The following KDM5B variants were observed in gnomAD, a reference collection of about 807,000 sequenced individuals.
KDM5B encodes the protein lysine-specific demethylase 5B.
A neutral mutation model predicts 193.4 loss-of-function variants in KDM5B; 144 were observed. The observed-to-expected ratio is 0.74, with a 90% CI of 0.65 to 0.86. KDM5B has a LOEUF of 0.86. KDM5B is among the 40% of genes least tolerant of loss of function. KDM5B has a pLI of 0.00. For missense variants in KDM5B, 1,833 were observed against 1,886.9 expected, an observed-to-expected ratio of 0.97 and a Z score of 0.53; for synonymous variants, 668 against 682.6, an observed-to-expected ratio of 0.98 and a Z score of 0.33.
chr1:202,784,767 C>T (rs967027319), intron 1 of KDM5B, among the ~76,000 whole-genome samples: 3 of 152,166 alleles, frequency 2.0e-5, no homozygotes, highest in Non-Finnish European at 2.9e-5. Context: ...GGGCCAGGAA[C>T]GGTGGCTCAT....
chr1:202,725,136 T>A lies in KDM5B; in HGVS notation c.*3900A>T, dbSNP rs1205032773. The A allele has an allele frequency of 6.6e-6, 1 of 152,220 alleles. No individual in the cohort carries two copies. Among genetic ancestry groups the A allele is most frequent in the Non-Finnish European group, 1.5e-5 (1 of 68,042 alleles). The allele number at this position is 152,220 out of a possible 1,614,324, so 9.4% of individuals were successfully genotyped here. A position where few individuals can be genotyped will look rare whatever the true frequency, so the allele number is the denominator to read the frequency against. ...TTTCTAGCCCTTCATCCTTGCAAAATTAACCCAGAACACAAACAGGGAGCT... is the reference window on the plus strand; with the variant it reads ...TTTCTAGCCCTTCATCCTTGCAAAAATAACCCAGAACACAAACAGGGAGCT... On this transcript the variant is annotated 3_prime_UTR_variant, in exon 27 of 27. Transcript: ENST00000367265.
chr1:202,735,848 G>C lies in KDM5B; in HGVS notation c.3265-261C>G, dbSNP rs373188640. ...GGTTGATCCCAGTCATGATGCACAA[G>C]CAAGTTTACAGAAAATACAAAAAGT... On this transcript the variant is annotated intron_variant, in intron 21 of 26. Transcript: ENST00000367265. 2.0e-5 allele frequency among the ~76,000 whole-genome samples: 3 copies of C among 152,196 alleles called. No homozygotes were observed. The East Asian group carries it at 5.8e-4, about 29-fold the overall frequency.
intron 12 of KDM5B, among the ~76,000 whole-genome samples, chr1:202,752,509 C>G (rs1655831698): frequency 6.6e-6 from 1 of 152,202 alleles, no homozygotes; most frequent in South Asian, 2.1e-4. Context: ...CAGAACATAT[C>G]CCTGTTGTTA....
chr1:202,748,338 T>C (rs1476263245), intron 14 of KDM5B, among the ~76,000 whole-genome samples: 1 of 152,116 alleles, frequency 6.6e-6, no homozygotes, highest in Non-Finnish European at 1.5e-5. Context: ...AACTTTGGAT[T>C]AGGCAAGATT....
rs1313562732 is a variant in KDM5B, at chr1:202,726,237, G to A, written c.*2799C>T. ...CTGGAGAATGAAGCAGGGAAATTCA[G>A]GTTTTTAACAACCTCCATCACCACA... On this transcript the variant is annotated 3_prime_UTR_variant, in exon 27 of 27. Transcript: ENST00000367265. 1.3e-5 allele frequency: 2 copies of A among 152,232 alleles called. No homozygotes were observed. The highest frequency in any genetic ancestry group is 3.9e-4 in the East Asian group (2 of 5,176). 9.4% of individuals were successfully genotyped at this position (152,232 alleles called of 1,614,324 possible).
intron 4 of KDM5B, among the ~76,000 whole-genome samples, chr1:202,768,319 C>T (rs916476282): frequency 2.0e-5 from 3 of 152,120 alleles, no homozygotes; most frequent in Admixed American, 6.5e-5. Flanking sequence ...AGGAACATCA[C>T]GAAAAACCTT....
In KDM5B at chr1:202,792,399, G is replaced by A. The variant is rs139407459; in HGVS notation, c.205-15305C>T. Among the ~76,000 whole-genome samples, 29 of 152,102 alleles carry A rather than the reference G, an allele frequency of 1.9e-4. No homozygotes were observed. In the East Asian group the frequency reaches 5.2e-3, roughly 27 times the overall value. On this transcript the variant is annotated intron_variant, in intron 1 of 26. Coordinates refer to ENST00000367265, the MANE Select transcript of KDM5B (RefSeq NM_006618.5). ...CATGAGATTCTAATTCAGTTATTCTGGGATGAACCCCAGAATGACTTTAAT... is the reference window on the plus strand; with the variant it reads ...CATGAGATTCTAATTCAGTTATTCTAGGATGAACCCCAGAATGACTTTAAT...
intron 1 of KDM5B, among the ~76,000 whole-genome samples, chr1:202,794,583 C>T (rs938919338): frequency 2.1e-4 from 32 of 152,300 alleles, no homozygotes; most frequent in African/African-American, 7.2e-4. Flanking sequence ...CTATCTACTC[C>T]TAACAAAAAT....
chr1:202,733,990 C>T (rs1159079359), intron 22 of KDM5B, 104 bp from the exon 23 acceptor site: 6 of 1,373,874 alleles, frequency 4.4e-6, no homozygotes, highest in Non-Finnish European at 6.0e-6. Context: ...AGTAGATCAT[C>T]TGTATTCAAA....
At chr1:202,805,884 TAAAC>T (rs763637062) in intron 1 of KDM5B, among the ~76,000 whole-genome samples, 4 of 152,194 alleles carry the variant, frequency 2.6e-5, no homozygotes, top group Non-Finnish European at 5.9e-5. Flanking sequence ...AGGAGTTTGT[TAAAC>T]AAAGGAGGAA....
At chr1:202,730,571 C>A (rs969370186) in intron 25 of KDM5B, among the ~76,000 whole-genome samples, 2 of 152,110 alleles carry the variant, frequency 1.3e-5, no homozygotes, top group African/African-American at 4.8e-5. Context: ...ATTCTAAATG[C>A]CAACATCAGC....
chr1:202,783,713 TA>T (rs1024400502), intron 1 of KDM5B, among the ~76,000 whole-genome samples: 4 of 148,774 alleles, frequency 2.7e-5, no homozygotes, highest in Non-Finnish European at 3.0e-5. Context: ...CCATCTCTAC[TA>T]AAAAAAAATA....
At chr1:202,794,290 T>C (rs1657751285) in intron 1 of KDM5B, among the ~76,000 whole-genome samples, 1 of 152,218 alleles carries the variant, frequency 6.6e-6, no homozygotes, top group South Asian at 2.1e-4. Context: ...CTTGTAATTA[T>C]GTGGGCTTGA....
chr1:202,740,468 ACCTC>A (rs1655284913), intron 20 of KDM5B, among the ~76,000 whole-genome samples: 1 of 67,450 alleles, frequency 1.5e-5, no homozygotes, highest in African/African-American at 4.8e-5. Context: ...TGACCCCCTC[ACCTC>A]CCTCCCGGAC....
rs1269188663 is a variant in KDM5B, at chr1:202,742,882, G to A, written c.2324-77C>T. On this transcript the variant is annotated intron_variant, in intron 16 of 26. Transcript: ENST00000367265. ...ACTGGTATGAAATTCAGAGGAGACT[G>A]GTTTTGTCAGTTCTTGTCTAGAAAT... 7.4e-6 allele frequency: 9 copies of A among 1,208,770 alleles called. No homozygotes were observed. In the South Asian group the frequency reaches 1.1e-4, roughly 15 times the overall value. The allele number at this position is 1,208,770 out of a possible 1,614,324, so 74.9% of individuals were successfully genotyped here.
chr1:202,764,033 T>C lies in KDM5B; in HGVS notation c.808+16A>G. The C allele has an allele frequency of 7.4e-7, 1 of 1,354,904 alleles. No individual in the cohort carries two copies. Among genetic ancestry groups the C allele is most frequent in the Non-Finnish European group, 1.0e-6 (1 of 961,142 alleles). 83.9% of individuals were successfully genotyped at this position (1,354,904 alleles called of 1,614,324 possible). On this transcript the variant is annotated intron_variant, in intron 6 of 26. Transcript: ENST00000367265. ...TATTTACTTTTTCTTTCCTATTCAT[T>C]GACAAATTTTCTTACCATTTTCACA...
intron 16 of KDM5B, among the ~76,000 whole-genome samples, chr1:202,743,832 A>G (rs1439829296): frequency 2.0e-5 from 3 of 152,140 alleles, no homozygotes; most frequent in Non-Finnish European, 4.4e-5. Context: ...CACCATATAC[A>G]AAAATTAACT....
chr1:202,789,319 G>A (rs1657539883), intron 1 of KDM5B, among the ~76,000 whole-genome samples: 1 of 151,850 alleles, frequency 6.6e-6, no homozygotes, highest in Admixed American at 6.6e-5. Flanking sequence ...TCAGGAGTTC[G>A]AGACCAGCCT....
chr1:202,765,972 CT>C (rs1410455248), intron 5 of KDM5B, among the ~76,000 whole-genome samples: 2 of 152,200 alleles, frequency 1.3e-5, no homozygotes, highest in African/African-American at 4.8e-5. Flanking sequence ...CCAGGGAAAG[CT>C]TCTCAGAGCA....
Sources: gnomAD v4.1 joint callset for allele counts (sites outside exome capture counted in the v4.1 genomes callset) on GRCh38, gnomAD v4.1.1 for gene constraint, MANE v1.5 for transcripts, NCBI Gene and HGNC (gene_info 2026-07-23, HGNC 2026-07-21) for gene names.